Variants in DLG2 observed in about 807,000 individuals in gnomAD.
DLG2 encodes discs large MAGUK scaffold protein 2.
In DLG2, 45 loss-of-function variants were observed where a neutral mutation model predicts 132.5. That is an observed-to-expected ratio of 0.34 (90% CI 0.27 to 0.44). The LOEUF (loss-of-function observed/expected upper bound fraction) is 0.44, where lower values mean the gene tolerates loss of function less well. Ranked by LOEUF, DLG2 falls within the 20% of genes least tolerant of loss-of-function variation. DLG2 has a pLI of 1.00. For synonymous variants in DLG2, 424 were observed against 419.6 expected (o/e 1.01, Z -0.13); for missense variants, 1,045 against 1,196.9 (o/e 0.87, Z 1.87).
intron 6 of DLG2, among the ~76,000 whole-genome samples, chr11:84,696,436 C>T (rs1344489685): frequency 6.6e-6 from 1 of 151,420 alleles, no homozygotes; most frequent in African/African-American, 2.4e-5. Context: ...AGTAAAACTC[C>T]AGAATGTAGT....
chr11:85,123,118 C>T (rs1394894596), intron 5 of DLG2, among the ~76,000 whole-genome samples: 6 of 150,514 alleles, frequency 4.0e-5, no homozygotes, highest in Admixed American at 3.3e-4. Flanking sequence ...GCTGGAACTA[C>T]AGGCACCTGC....
intron 15 of DLG2, among the ~76,000 whole-genome samples, chr11:83,892,709 A>AC (rs1555136343): frequency 6.6e-6 from 1 of 151,652 alleles, no homozygotes; most frequent in Non-Finnish European, 1.5e-5. Flanking sequence ...TAAAAAAAAA[A>AC]AACTCACCTC....
chr11:83,692,927 A>T (rs1431341432), intron 18 of DLG2: 2 of 152,180 alleles, frequency 1.3e-5, no homozygotes, highest in African/African-American at 4.8e-5. Context: ...CCCTTCTACT[A>T]GCTTGATGCA....
rs377716241 is a variant in DLG2, at chr11:83,930,418, T to G, written c.1406A>C (p.Tyr469Ser). 1 of 1,613,874 alleles carries G rather than the reference T, an allele frequency of 6.2e-7. No individual in the cohort carries two copies. The highest frequency in any genetic ancestry group is 8.5e-7 in the Non-Finnish European group (1 of 1,179,894). Reference protein sequence around the residue: ...LCDKPASPRHYSPVECDKSFL... With the variant: ...LCDKPASPRHSSPVECDKSFL... The stretch of plus-strand genomic sequence containing the variant: ...GCTTTTGTCACACTCAACAGGGGAA[T>G]AGTGCCTGGGAGAAGCAGGCTTATC... The change falls in exon 15 of 28, where the codon TAT (tyrosine) becomes TCT (serine). Residue 469 changes from tyrosine (Y) to serine (S), a missense_variant. Physicochemically the swap from Tyr to Ser is moderately radical, Grantham distance 144. This residue lies in a region of DLG2 where 261 missense variants were observed against 256.1 expected (regional missense o/e 1.02). Coordinates refer to ENST00000376104, the MANE Select transcript of DLG2 (RefSeq NM_001142699.3).
chr11:84,184,237 G>A (rs2154282799), intron 8 of DLG2, among the ~76,000 whole-genome samples: 1 of 152,188 alleles, frequency 6.6e-6, no homozygotes. Context: ...TCCAGCACCT[G>A]TTGTTTCCTG....
chr11:84,780,532 C>A (rs552613077), intron 6 of DLG2, among the ~76,000 whole-genome samples: 11 of 152,142 alleles, frequency 7.2e-5, no homozygotes, highest in African/African-American at 2.4e-4. Flanking sequence ...TAAGAAACTG[C>A]CAAACTGTTT....
intron 18 of DLG2, among the ~76,000 whole-genome samples, chr11:83,780,018 A>G (rs2094747014): frequency 6.6e-6 from 1 of 152,120 alleles, no homozygotes; most frequent in Non-Finnish European, 1.5e-5. Context: ...TTCTGATGCA[A>G]TTTCTGATCA....
chr11:84,047,704 A>G (rs2096269957), intron 11 of DLG2, among the ~76,000 whole-genome samples: 1 of 151,692 alleles, frequency 6.6e-6, no homozygotes, highest in African/African-American at 2.4e-5. Flanking sequence ...GCCATTGATC[A>G]TATATTCTGT....
At chr11:84,420,668 T>TTTTC (rs2098946592) in intron 7 of DLG2, among the ~76,000 whole-genome samples, 1 of 88,122 alleles carries the variant, frequency 1.1e-5, no homozygotes, top group African/African-American at 4.1e-5. Context: ...TTTTTTTTTT[T>TTTTC]TTTTTTTTTT....
At chr11:84,781,894 G>C (rs2071854422) in intron 6 of DLG2, among the ~76,000 whole-genome samples, 1 of 152,100 alleles carries the variant, frequency 6.6e-6, no homozygotes, top group African/African-American at 2.4e-5. Context: ...AGATGGCAGA[G>C]GGCAGGGTCT....
At chr11:85,301,021 C>T (rs1176996625) in intron 3 of DLG2, among the ~76,000 whole-genome samples, 5 of 151,898 alleles carry the variant, frequency 3.3e-5, no homozygotes, top group African/African-American at 9.7e-5. Flanking sequence ...GCCAACAAGA[C>T]GAAACCTCAT....
intron 8 of DLG2, among the ~76,000 whole-genome samples, chr11:84,179,949 C>T (rs2096072645): frequency 1.3e-5 from 2 of 152,132 alleles, no homozygotes; most frequent in South Asian, 2.1e-4. Flanking sequence ...CTTGCCACTA[C>T]ATTACCAAAG....
rs182033468 is a variant in DLG2 at position 85,395,447 on chromosome 11, G to A, written c.41-110082C>T. Among the ~76,000 whole-genome samples, 287 of 152,274 alleles carry A rather than the reference G, an allele frequency of 1.9e-3. 1 individual carries two copies. Among genetic ancestry groups the A allele is most frequent in the African/African-American group, 6.3e-3 (262 of 41,556 alleles). On this transcript the variant is annotated intron_variant, in intron 3 of 27. Coordinates refer to ENST00000376104, the MANE Select transcript of DLG2 (RefSeq NM_001142699.3). Reference sequence around the variant, plus strand: ...CATGGAGGGTGAGCTGAAGCAGGGCGGGGTGTTGCCTCAAACAGGAAGTGC... The same window carrying A: ...CATGGAGGGTGAGCTGAAGCAGGGCAGGGTGTTGCCTCAAACAGGAAGTGC...
At chr11:84,659,468 T>C (rs771955606) in intron 6 of DLG2, among the ~76,000 whole-genome samples, 1 of 152,278 alleles carries the variant, frequency 6.6e-6, no homozygotes, top group East Asian at 1.9e-4. Flanking sequence ...GTTTTCCAGA[T>C]ATCTAGAGAT....
chr11:84,770,612 T>A (rs1039118042), intron 6 of DLG2, among the ~76,000 whole-genome samples: 1 of 151,856 alleles, frequency 6.6e-6, no homozygotes, highest in Admixed American at 6.6e-5. Context: ...TCCAACTGCA[T>A]CCACGTTGCT....
intron 6 of DLG2, among the ~76,000 whole-genome samples, chr11:84,999,766 G>A (rs2154130048): frequency 6.6e-6 from 1 of 152,070 alleles, no homozygotes; most frequent in African/African-American, 2.4e-5. Context: ...AGCATTCCAG[G>A]GTTCACACAA....
intron 8 of DLG2, among the ~76,000 whole-genome samples, chr11:84,228,150 T>A (rs945914985): frequency 2.0e-5 from 3 of 152,178 alleles, no homozygotes; most frequent in African/African-American, 4.8e-5. Flanking sequence ...TGCCCTTAAC[T>A]ATCCATCTCT....
At chr11:84,764,605 A>G (rs1447306658) in intron 6 of DLG2, among the ~76,000 whole-genome samples, 1 of 152,122 alleles carries the variant, frequency 6.6e-6, no homozygotes, top group African/African-American at 2.4e-5. Flanking sequence ...GTAAGTCTTG[A>G]AGAATGAGTT....
At chr11:84,859,309 C>A (rs2083238448) in intron 6 of DLG2, among the ~76,000 whole-genome samples, 1 of 141,566 alleles carries the variant, frequency 7.1e-6, no homozygotes, top group East Asian at 2.0e-4. Flanking sequence ...ACATATATAC[C>A]TATATATGTA....
Sources: allele counts gnomAD v4.1 joint callset (sites outside exome capture counted in the v4.1 genomes callset), GRCh38; gene constraint gnomAD v4.1.1; regional missense constraint gnomAD v4.1.1; transcripts MANE v1.5; gene names NCBI Gene and HGNC (gene_info 2026-07-23, HGNC 2026-07-21).